The following CFAP43 variants were observed in gnomAD, a reference collection of about 807,000 sequenced individuals.
CFAP43 encodes the protein cilia and flagella associated protein 43, also known as cilia- and flagella-associated protein 43.
CFAP43 carries 155 observed loss-of-function variants against 218.9 expected under a neutral mutation model. The ratio of observed to expected loss-of-function variants is 0.71; its 90% CI spans 0.62 to 0.81. CFAP43 has a LOEUF of 0.81. Among genes scored for constraint, CFAP43 ranks in the 30% least tolerant of loss-of-function variants. The probability of loss-of-function intolerance (pLI) is 0.00; values close to 1 mark genes in which losing one functional copy is unlikely to be tolerated. For synonymous variants in CFAP43, 645 were observed against 681.3 expected (o/e 0.95, Z 0.83); for missense variants, 1,778 against 1,954.3 (o/e 0.91, Z 1.70).
At chr10:104,160,975 G>T in intron 27 of CFAP43, 62 bp downstream of exon 27, 3 of 1,475,008 alleles carry the variant, frequency 2.0e-6, no homozygotes, top group Non-Finnish European at 2.8e-6. Context: ...GAAAACATTT[G>T]AAAAGATATT....
intron 19 of CFAP43, among the ~76,000 whole-genome samples, chr10:104,175,041 C>T (rs565814965): frequency 8.6e-5 from 13 of 150,302 alleles, no homozygotes; most frequent in East Asian, 1.9e-4. Context: ...GGCGACAGAG[C>T]GAGAGCGAGA....
chr10:104,157,769 T>TGAGAGA (rs1222414009), intron 27 of CFAP43, among the ~76,000 whole-genome samples: 2 of 109,676 alleles, frequency 1.8e-5, no homozygotes, highest in Non-Finnish European at 3.8e-5. Flanking sequence ...TGTGTGTGTG[T>TGAGAGA]GTGTGTGAGA....
chr10:104,131,533 G>A, intron 36 of CFAP43, 49 bp from the exon 37 acceptor site: 4 of 1,558,530 alleles, frequency 2.6e-6, no homozygotes, highest in South Asian at 2.4e-5. Flanking sequence ...TTTGAAAAAT[G>A]TAATTTATCC....
At chr10:104,220,943 A>G (rs1395633179) in intron 3 of CFAP43, among the ~76,000 whole-genome samples, 2 of 138,330 alleles carry the variant, frequency 1.4e-5, no homozygotes, top group Admixed American at 7.3e-5. Context: ...ACTCTATATG[A>G]GTGAGCGTGT....
At chr10:104,167,434 C>T (rs778789438) in intron 22 of CFAP43, among the ~76,000 whole-genome samples, 187 bp downstream of exon 22, 3 of 151,962 alleles carry the variant, frequency 2.0e-5, no homozygotes, top group African/African-American at 7.3e-5. Flanking sequence ...GATACAGGCT[C>T]CTTGATTTAT....
In CFAP43 at chr10:104,194,068, G is replaced by C. The variant is rs545025908; in HGVS notation, c.1294-54C>G. 2.5e-6 allele frequency: 4 copies of C among 1,590,732 alleles called. No homozygotes were observed. The African/African-American group carries it at 5.4e-5, about 21-fold the overall frequency. On this transcript the variant is annotated intron_variant, in intron 10 of 37. Coordinates refer to ENST00000357060, the MANE Select transcript of CFAP43 (RefSeq NM_025145.7). ...CTCTATTGTGCCTGCTCTCCTACAC[G>C]TAAGAATGCTATTATACAGTGTACT...
At chr10:104,145,799 A>C (rs1428276443) in intron 30 of CFAP43, among the ~76,000 whole-genome samples, 1 of 152,238 alleles carries the variant, frequency 6.6e-6, no homozygotes, top group Admixed American at 6.5e-5. Flanking sequence ...GGTCTTAGAA[A>C]TCATCCAGAA....
chr10:104,221,250 C>T (rs573074219), intron 3 of CFAP43, among the ~76,000 whole-genome samples: 1 of 152,184 alleles, frequency 6.6e-6, no homozygotes, highest in Non-Finnish European at 1.5e-5. Context: ...GTTGGGATTA[C>T]AGGCGTGAGC....
intron 27 of CFAP43, among the ~76,000 whole-genome samples, chr10:104,157,775 T>TGTGTGAGA (rs1484523345): frequency 3.3e-4 from 30 of 90,162 alleles, no homozygotes; most frequent in Admixed American, 2.7e-4. Flanking sequence ...TGTGTGTGTG[T>TGTGTGAGA]GAGAGAGAGA....
rs199783554 is a variant in CFAP43 at position 104,230,655 on chromosome 10, C to T, written c.254G>A (p.Arg85Gln). ...IPCEVVAFSDRKLKPLIYVYS... is the reference protein window; with the variant it reads ...IPCEVVAFSDQKLKPLIYVYS... ...TACGTAGATGAGAGGTTTTAGCTTC[C>T]GGTCAGAAAAAGCCACAACTTCACA... Residue 85 changes from arginine to glutamine, a missense_variant, in exon 2 of 38, where the codon CGG (arginine) becomes CAG (glutamine). By Grantham distance (43) the Arg-to-Gln change is conservative. Coordinates refer to ENST00000357060, the MANE Select transcript of CFAP43 (RefSeq NM_025145.7). The T allele has an allele frequency of 2.4e-5, 38 of 1,613,942 alleles. No individual in the cohort carries two copies. The highest frequency in any genetic ancestry group is 3.1e-5 in the Non-Finnish European group (36 of 1,180,008).
chr10:104,182,235 TGAAAATCATGG>T, intron 17 of CFAP43, 120 bp downstream of exon 17: 1 of 1,050,276 alleles, frequency 9.5e-7, no homozygotes. Context: ...ATTCCCTTTT[TGAAAATCATGG>T]GATACCTGGA....
At chr10:104,215,164 TAA>T (rs1215813387) in intron 3 of CFAP43, among the ~76,000 whole-genome samples, 1 of 151,444 alleles carries the variant, frequency 6.6e-6, no homozygotes, top group Non-Finnish European at 1.5e-5. Context: ...AATAAATAAA[TAA>T]ATAAATAAAT....
At chr10:104,189,339 T>C (rs563914755) in intron 12 of CFAP43, among the ~76,000 whole-genome samples, 139 of 152,322 alleles carry the variant, frequency 9.1e-4, no homozygotes, top group African/African-American at 3.0e-3. Flanking sequence ...CATCTGACTC[T>C]CTTTTCTCCA....
intron 36 of CFAP43, among the ~76,000 whole-genome samples, chr10:104,131,770 A>G (rs903358031): frequency 6.6e-6 from 1 of 152,216 alleles, no homozygotes; most frequent in African/African-American, 2.4e-5. Flanking sequence ...CATAATAAAA[A>G]CTGACCATTT....
chr10:104,150,876 T>G (rs902602144), intron 28 of CFAP43, among the ~76,000 whole-genome samples: 2 of 152,086 alleles, frequency 1.3e-5, no homozygotes, highest in Non-Finnish European at 2.9e-5. Flanking sequence ...TTTCTGATCT[T>G]CTCCCTCCTC....
chr10:104,205,863 G>A (rs569900312), intron 7 of CFAP43, 100 bp downstream of exon 7: 33 of 970,208 alleles, frequency 3.4e-5, no homozygotes, highest in Non-Finnish European at 4.4e-5. Flanking sequence ...TAATGTGACA[G>A]ATCTGACATC....
At chr10:104,175,271 A>T (rs934740458) in intron 19 of CFAP43, among the ~76,000 whole-genome samples, 1 of 151,806 alleles carries the variant, frequency 6.6e-6, no homozygotes, top group Non-Finnish European at 1.5e-5. Context: ...AAAAAAATAC[A>T]AAAATTACTT....
At chr10:104,219,315 C>T (rs1034964860) in intron 3 of CFAP43, among the ~76,000 whole-genome samples, 2 of 152,132 alleles carry the variant, frequency 1.3e-5, no homozygotes, top group Non-Finnish European at 2.9e-5. Context: ...GTTTCACTTC[C>T]CTCCATCCCT....
intron 36 of CFAP43, 30 bp from the exon 37 acceptor site, chr10:104,131,514 A>T (rs370167247): frequency 6.3e-7 from 1 of 1,582,724 alleles, no homozygotes; most frequent in African/African-American, 1.4e-5. Flanking sequence ...GACACCCCAC[A>T]AAATTAATTT....
Sources: gnomAD v4.1 joint callset for allele counts (sites outside exome capture counted in the v4.1 genomes callset) on GRCh38, gnomAD v4.1.1 for gene constraint, MANE v1.5 for transcripts, NCBI Gene and HGNC (gene_info 2026-07-23, HGNC 2026-07-21) for gene names.